ITGA9: variants seen among roughly 807,000 people sequenced by gnomAD.
The protein encoded by ITGA9 is integrin alpha-9.
In ITGA9, 56 loss-of-function variants were observed where a neutral mutation model predicts 127.8. The ratio of observed to expected loss-of-function variants is 0.44; its 90% CI spans 0.35 to 0.55. The LOEUF (loss-of-function observed/expected upper bound fraction) is 0.55. Among genes scored for constraint, ITGA9 ranks in the 20% least tolerant of loss-of-function variants. The pLI is 0.00. For missense variants in ITGA9, 1,196 were observed against 1,347.1 expected (o/e 0.89, Z 1.76); for synonymous variants, 508 against 514.5 (o/e 0.99, Z 0.17).
At chr3:37,521,679 G>T (rs754065224) in intron 11 of ITGA9, among the ~76,000 whole-genome samples, 49 of 152,150 alleles carry the variant, frequency 3.2e-4, no homozygotes, top group Admixed American at 1.3e-4. Context: ...CCACCCCTTC[G>T]CTCTGCCCCT....
intron 4 of ITGA9, among the ~76,000 whole-genome samples, chr3:37,492,534 A>G (rs1242288668): frequency 6.6e-6 from 1 of 152,232 alleles, no homozygotes; most frequent in African/African-American, 2.4e-5. Flanking sequence ...AGACCACACC[A>G]AGTACAGTTT....
chr3:37,701,670 G>A (rs1303419642), intron 18 of ITGA9, among the ~76,000 whole-genome samples: 1 of 152,222 alleles, frequency 6.6e-6, no homozygotes, highest in Admixed American at 6.5e-5. Context: ...GTGAAAAAAT[G>A]CAGGTGTCAG....
intron 17 of ITGA9, among the ~76,000 whole-genome samples, chr3:37,665,745 G>A (rs1261393116): frequency 6.6e-6 from 1 of 152,148 alleles, no homozygotes; most frequent in Non-Finnish European, 1.5e-5. Flanking sequence ...GTGAGCCACC[G>A]TGCCCAGCCT....
Position 37,703,552 on chromosome 3 carries a change from T to C in ITGA9, c.2067+19537T>C, listed in dbSNP as rs111803890. Among the ~76,000 whole-genome samples, 564 of 152,370 alleles carry C rather than the reference T, an allele frequency of 3.7e-3. 6 individuals are homozygous for C. The highest frequency in any genetic ancestry group is 0.013 in the African/African-American group (533 of 41,588). ...AAATATCTGGCTGGGTTCAACTTGC[T>C]AAGATTTTATTTAGTATATTTGTAT... is the stretch of plus-strand genomic sequence containing the variant. On this transcript the variant is annotated intron_variant, in intron 18 of 27. Transcript: ENST00000264741.
rs534015404 is a variant in ITGA9 at position 37,702,403 on chromosome 3, T to C, written c.2067+18388T>C. On this transcript the variant is annotated intron_variant, in intron 18 of 27. Transcript: ENST00000264741. ...ATGTCTGTGTGAGACAGTGGCAGCC[T>C]CTGATGGGTTCCTGCCGATTGGCAA... Among the ~76,000 whole-genome samples the C allele has an allele frequency of 2.0e-5, 3 of 152,292 alleles. No homozygotes were observed. In the South Asian group the frequency reaches 6.2e-4, roughly 32 times the overall value.
intron 17 of ITGA9, among the ~76,000 whole-genome samples, chr3:37,660,695 G>C (rs1347104298): frequency 6.6e-6 from 1 of 152,150 alleles, no homozygotes; most frequent in Non-Finnish European, 1.5e-5. Context: ...GAATAAAAAA[G>C]TCACCCCAAA....
At chr3:37,465,712 G>C (rs889241096) in intron 1 of ITGA9, among the ~76,000 whole-genome samples, 1 of 152,208 alleles carries the variant, frequency 6.6e-6, no homozygotes, top group Non-Finnish European at 1.5e-5. Flanking sequence ...GCCTGATGGG[G>C]AGGGGAAGGT....
At chr3:37,702,529 G>C (rs1276690633) in intron 18 of ITGA9, among the ~76,000 whole-genome samples, 2 of 152,110 alleles carry the variant, frequency 1.3e-5, no homozygotes, top group Admixed American at 6.6e-5. Flanking sequence ...TTTGAATAGA[G>C]AGCTCTGTTC....
intron 15 of ITGA9, among the ~76,000 whole-genome samples, chr3:37,577,122 A>G (rs2125607824): frequency 6.6e-6 from 1 of 152,348 alleles, no homozygotes; most frequent in East Asian, 1.9e-4. Context: ...GAAGACAGAA[A>G]GATGAGGGCC....
chr3:37,504,755 A>C (rs1463329912), intron 6 of ITGA9, among the ~76,000 whole-genome samples: 1 of 152,144 alleles, frequency 6.6e-6, no homozygotes, highest in Non-Finnish European at 1.5e-5. Context: ...CTTTGATCTC[A>C]CTCAGAATAC....
chr3:37,523,396 T>C, intron 11 of ITGA9, 125 bp from the exon 12 acceptor site: 1 of 392,714 alleles, frequency 2.5e-6, no homozygotes, highest in Non-Finnish European at 4.6e-6. Flanking sequence ...TTAGGATTAC[T>C]TTTTTTTTTT....
intron 19 of ITGA9, among the ~76,000 whole-genome samples, chr3:37,733,515 CAAAAAAAAAAAAAAAA>C (rs58505517): frequency 6.2e-5 from 5 of 80,368 alleles, no homozygotes; most frequent in Non-Finnish European, 8.9e-5. Flanking sequence ...CTCCGTCTCA[CAAAAAAAAAAAAAAAA>C]AAAAAAAAAA....
chr3:37,542,545 A>T lies in ITGA9; in HGVS notation c.1649A>T (p.Tyr550Phe). The change falls in exon 15 of 28, where the codon TAC (tyrosine) becomes TTC (phenylalanine). Residue 550 changes from tyrosine to phenylalanine, a missense_variant. Transcript: ENST00000264741. ...GTCACAGAGAAGCTGCAGCTGACTT[A>T]CATGGAGGAGACGTGTCGTCACTAT... ...GQVTEKLQLT[Y>F]MEETCRHYVA... 1 of 1,614,180 alleles carries T rather than the reference A, an allele frequency of 6.2e-7. No homozygotes were observed. Among genetic ancestry groups the T allele is most frequent in the South Asian group, 1.1e-5 (1 of 91,074 alleles).
At chr3:37,551,848 G>A (rs1699381386) in intron 15 of ITGA9, among the ~76,000 whole-genome samples, 2 of 152,228 alleles carry the variant, frequency 1.3e-5, no homozygotes, top group Admixed American at 1.3e-4. Context: ...TTTGGTGTCC[G>A]AGACACATCC....
chr3:37,647,425 C>CA (rs1700387772), intron 16 of ITGA9, among the ~76,000 whole-genome samples: 3 of 149,264 alleles, frequency 2.0e-5, no homozygotes, highest in South Asian at 4.2e-4. Context: ...TATGGTCAAG[C>CA]AAATGAACAT....
chr3:37,778,532 C>A (rs565995547), intron 24 of ITGA9, among the ~76,000 whole-genome samples: 1 of 151,454 alleles, frequency 6.6e-6, no homozygotes, highest in East Asian at 1.9e-4. Context: ...GCAGGAGAAT[C>A]GGTTGAATCA....
chr3:37,657,076 G>T (rs557603960), intron 17 of ITGA9, among the ~76,000 whole-genome samples: 51 of 152,100 alleles, frequency 3.4e-4, no homozygotes, highest in Middle Eastern at 3.4e-3. Context: ...TTTGATGTGC[G>T]GCTGGATTCA....
intron 20 of ITGA9, among the ~76,000 whole-genome samples, chr3:37,739,510 TC>T (rs1444151087): frequency 5.3e-5 from 8 of 152,206 alleles, no homozygotes; most frequent in African/African-American, 1.7e-4. Context: ...TCTCAATTGT[TC>T]CTTTCTTCCA....
intron 18 of ITGA9, among the ~76,000 whole-genome samples, chr3:37,731,742 T>C (rs558182731): frequency 6.6e-6 from 1 of 152,368 alleles, no homozygotes; most frequent in Non-Finnish European, 1.5e-5. Context: ...TATTTACCTT[T>C]TATCACCTTT....
Sources: gnomAD v4.1 joint callset for allele counts (sites outside exome capture counted in the v4.1 genomes callset) on GRCh38, gnomAD v4.1.1 for gene constraint, MANE v1.5 for transcripts, NCBI Gene and HGNC (gene_info 2026-07-23, HGNC 2026-07-21) for gene names.